The following MARCHF3 variants were observed in gnomAD, a reference collection of about 807,000 sequenced individuals.
MARCHF3 encodes E3 ubiquitin-protein ligase MARCHF3.
Under a neutral mutation model 24.2 loss-of-function variants are expected in MARCHF3, and 13 were observed. The observed-to-expected ratio is 0.54, with a 90% CI of 0.35 to 0.85. MARCHF3 has a LOEUF of 0.85. Ranked by LOEUF, MARCHF3 falls within the 40% of genes least tolerant of loss-of-function variation. The pLI, the probability that MARCHF3 is intolerant of heterozygous loss-of-function variation, is 0.01. For synonymous variants in MARCHF3, 144 were observed against 137.3 expected (o/e 1.05, Z -0.34); for missense variants, 276 against 325.0 (o/e 0.85, Z 1.16).
intron 3 of MARCHF3, among the ~76,000 whole-genome samples, chr5:126,890,376 C>G (rs199938275): frequency 0.038 from 5,691 of 149,882 alleles, 329 homozygotes; most frequent in African/African-American, 0.13. Flanking sequence ...CATGCTGGTG[C>G]ACTGCACCCA....
At chr5:126,884,489 T>A (rs1258563443) in intron 3 of MARCHF3, among the ~76,000 whole-genome samples, 1 of 152,192 alleles carries the variant, frequency 6.6e-6, no homozygotes, top group Non-Finnish European at 1.5e-5. Context: ...CCAGTCAACA[T>A]CTCTGCTTAG....
At chr5:127,001,005 C>T (rs565680195) in intron 1 of MARCHF3, among the ~76,000 whole-genome samples, 3 of 152,120 alleles carry the variant, frequency 2.0e-5, no homozygotes, top group Non-Finnish European at 4.4e-5. Context: ...TTTGGGAGGC[C>T]GAGGTGGGCA....
At chr5:126,904,672 T>C (rs1309748960) in intron 3 of MARCHF3, among the ~76,000 whole-genome samples, 2 of 149,520 alleles carry the variant, frequency 1.3e-5, no homozygotes, top group Non-Finnish European at 3.0e-5. Flanking sequence ...TTTGTTTTTT[T>C]CTTGTAAATT....
intron 2 of MARCHF3, among the ~76,000 whole-genome samples, chr5:126,916,692 G>GACACACACACACACACACACACAC (rs34090036): frequency 2.1e-4 from 28 of 130,556 alleles, no homozygotes; most frequent in African/African-American, 2.6e-4. Context: ...CAGACAGACA[G>GACACACACACACACACACACACAC]ACACACACAC....
chr5:126,873,409 GAA>G (rs77244995), intron 4 of MARCHF3, among the ~76,000 whole-genome samples: 6 of 104,348 alleles, frequency 5.7e-5, no homozygotes, highest in Admixed American at 9.6e-5. Context: ...AACAGAAAAA[GAA>G]AAAAAAAAAA....
At chr5:126,893,906 T>G (rs1249724492) in intron 3 of MARCHF3, among the ~76,000 whole-genome samples, 1 of 75,426 alleles carries the variant, frequency 1.3e-5, no homozygotes, top group Non-Finnish European at 2.4e-5. Context: ...AGTCTCCCAT[T>G]ATTAATGTGT....
chr5:127,028,934 G>A (rs1040841502), intron 1 of MARCHF3, among the ~76,000 whole-genome samples: 1 of 152,214 alleles, frequency 6.6e-6, no homozygotes, highest in African/African-American at 2.4e-5. Context: ...CCCAGTGGTC[G>A]GACTGAAGTG....
rs139970113 is a variant in MARCHF3 at position 126,874,830 on chromosome 5, G to A, written c.603+3355C>T. 2.5e-3 allele frequency among the ~76,000 whole-genome samples: 376 copies of A among 152,142 alleles called. 2 individuals carry two copies. The highest frequency in any genetic ancestry group is 8.4e-3 in the African/African-American group (350 of 41,552). On this transcript the variant is annotated intron_variant, in intron 4 of 4. Coordinates refer to ENST00000308660, the MANE Select transcript of MARCHF3 (RefSeq NM_178450.5). ...AATACCCTCAGGATGCTTGTAGGCC[G>A]TGTGGGGGATGTGTCTAAAGCAGCC...
intron 3 of MARCHF3, among the ~76,000 whole-genome samples, chr5:126,892,494 A>C (rs968184384): frequency 6.7e-6 from 1 of 148,336 alleles, no homozygotes; most frequent in Non-Finnish European, 1.5e-5. Context: ...AGTTTTTAGC[A>C]TGAAGGGTTG....
At chr5:126,916,559 A>G (rs1673642051) in intron 2 of MARCHF3, among the ~76,000 whole-genome samples, 1 of 152,164 alleles carries the variant, frequency 6.6e-6, no homozygotes, top group Non-Finnish European at 1.5e-5. Flanking sequence ...GGGAAAAGAA[A>G]GCTGACAAGT....
chr5:126,872,660 G>A (rs1753011597), intron 4 of MARCHF3, among the ~76,000 whole-genome samples: 3 of 152,282 alleles, frequency 2.0e-5, no homozygotes, highest in Admixed American at 2.0e-4. Context: ...GCAGGCCCTT[G>A]ATCAGAATGG....
intron 1 of MARCHF3, among the ~76,000 whole-genome samples, chr5:126,973,738 T>C (rs901468633): frequency 1.3e-5 from 2 of 152,212 alleles, no homozygotes; most frequent in Admixed American, 6.5e-5. Flanking sequence ...TAAGAACATA[T>C]ATACGTTTTT....
chr5:126,981,951 G>T (rs1751410382), intron 1 of MARCHF3, among the ~76,000 whole-genome samples: 1 of 151,862 alleles, frequency 6.6e-6, no homozygotes, highest in Non-Finnish European at 1.5e-5. Context: ...AAATATCTAG[G>T]GCTGTTTCTA....
intron 3 of MARCHF3, among the ~76,000 whole-genome samples, chr5:126,892,886 CT>C (rs1753746271): frequency 6.6e-6 from 1 of 151,636 alleles, no homozygotes; most frequent in African/African-American, 2.4e-5. Context: ...CCTTGTACCT[CT>C]GGTAGAATTC....
intron 1 of MARCHF3, among the ~76,000 whole-genome samples, chr5:126,928,083 A>T (rs1749355086): frequency 6.6e-6 from 1 of 152,204 alleles, no homozygotes; most frequent in African/African-American, 2.4e-5. Context: ...TAAGTACTTA[A>T]TAAATACAGT....
At chr5:126,930,320 C>G (rs1749440424) in intron 1 of MARCHF3, among the ~76,000 whole-genome samples, 1 of 152,236 alleles carries the variant, frequency 6.6e-6, no homozygotes, top group Non-Finnish European at 1.5e-5. Flanking sequence ...CAACACTCCT[C>G]AACAACTTTC....
chr5:126,904,195 T>G (rs1754206357), intron 3 of MARCHF3, among the ~76,000 whole-genome samples: 2 of 148,326 alleles, frequency 1.3e-5, no homozygotes. Context: ...TGCCACATTT[T>G]CTTAATCCAG....
Position 126,934,544 on chromosome 5 carries a change from C to T in MARCHF3, c.-56-16317G>A, listed in dbSNP as rs571545165. Among the ~76,000 whole-genome samples the T allele has an allele frequency of 9.2e-5, 14 of 151,986 alleles. No individual in the cohort carries two copies. The South Asian group carries it at 2.7e-3, about 29-fold the overall frequency. On this transcript the variant is annotated intron_variant, in intron 1 of 4. Coordinates refer to ENST00000308660, the MANE Select transcript of MARCHF3 (RefSeq NM_178450.5). ...GAAAATTAAGAGGCAGGCCATGAAT[C>T]TGAACTCTTAACTTAGTAATGGCTT...
chr5:126,903,365 T>C (rs1268642075), intron 3 of MARCHF3, among the ~76,000 whole-genome samples: 4 of 152,218 alleles, frequency 2.6e-5, no homozygotes, highest in African/African-American at 9.6e-5. Flanking sequence ...AATGCACTTA[T>C]GACATGCTAT....
Sources: gnomAD v4.1 joint callset for allele counts (sites outside exome capture counted in the v4.1 genomes callset) on GRCh38, gnomAD v4.1.1 for gene constraint, MANE v1.5 for transcripts, NCBI Gene and HGNC (gene_info 2026-07-23, HGNC 2026-07-21) for gene names.